The following TMEM132B variants were observed in gnomAD, a reference collection of about 807,000 sequenced individuals.
TMEM132B encodes transmembrane protein 132B.
Under a neutral mutation model 90.8 loss-of-function variants are expected in TMEM132B, and 18 were observed. That is an observed-to-expected ratio of 0.20 (90% CI 0.14 to 0.29). TMEM132B has a LOEUF of 0.29. Ranked by LOEUF, TMEM132B falls within the 10% of genes least tolerant of loss-of-function variation. The probability of loss-of-function intolerance (pLI) is 1.00; values close to 1 mark genes in which losing one functional copy is unlikely to be tolerated. For synonymous variants in TMEM132B, 504 were observed against 523.3 expected, an observed-to-expected ratio of 0.96 and a Z score of 0.50; for missense variants, 1,096 against 1,326.8, an observed-to-expected ratio of 0.83 and a Z score of 2.70.
At chr12:125,527,159 C>T (rs1566063780) in intron 4 of TMEM132B, among the ~76,000 whole-genome samples, 1 of 144,500 alleles carries the variant, frequency 6.9e-6, no homozygotes, top group Non-Finnish European at 1.5e-5. Context: ...CCCATCCACC[C>T]ATCCACCCAT....
At chr12:125,266,937 G>A (rs1874710041) in intron 1 of TMEM132B, among the ~76,000 whole-genome samples, 1 of 152,170 alleles carries the variant, frequency 6.6e-6, no homozygotes, top group African/African-American at 2.4e-5. Context: ...GCAAGTCATT[G>A]TATTGGACCC....
In TMEM132B at chr12:125,507,621, A is replaced by G. The variant is rs111935937; in HGVS notation, c.1107-11818A>G. Among the ~76,000 whole-genome samples, 454 of 152,246 alleles carry G rather than the reference A, an allele frequency of 3.0e-3. 1 individual carries two copies. Among genetic ancestry groups the G allele is most frequent in the African/African-American group, 0.011 (439 of 41,538 alleles). On this transcript the variant is annotated intron_variant, in intron 3 of 8. Coordinates refer to ENST00000682704, the MANE Select transcript of TMEM132B (RefSeq NM_001366854.1). ...AGTGCAAAGGCCCTGAGGCAGCAGC[A>G]TGGCTGGAGCTGGGGGAACAGTAAA...
chr12:125,312,260 G>A (rs1439194185), intron 1 of TMEM132B, among the ~76,000 whole-genome samples: 1 of 152,190 alleles, frequency 6.6e-6, no homozygotes. Context: ...TAGTTGTTTG[G>A]ATGCTCTAAA....
chr12:125,379,268 G>A (rs906501677), intron 2 of TMEM132B, among the ~76,000 whole-genome samples: 2 of 152,158 alleles, frequency 1.3e-5, no homozygotes, highest in African/African-American at 4.8e-5. Context: ...AGGGTATCCT[G>A]GGTTATCCAG....
chr12:125,297,095 T>A (rs1875689611), intron 1 of TMEM132B, among the ~76,000 whole-genome samples: 1 of 152,186 alleles, frequency 6.6e-6, no homozygotes, highest in Admixed American at 6.5e-5. Flanking sequence ...GTGACGGAGC[T>A]GGAGGTTGCT....
At chr12:125,400,290 G>A (rs1354158919) in intron 2 of TMEM132B, among the ~76,000 whole-genome samples, 7 of 152,234 alleles carry the variant, frequency 4.6e-5, no homozygotes, top group Admixed American at 3.9e-4. Context: ...GCAATGAGAC[G>A]GGAGAGTGGC....
At chr12:125,379,201 T>C (rs1878585557) in intron 2 of TMEM132B, among the ~76,000 whole-genome samples, 1 of 152,210 alleles carries the variant, frequency 6.6e-6, no homozygotes, top group Non-Finnish European at 1.5e-5. Flanking sequence ...TTATGTTACA[T>C]GGCAAGGGGG....
intron 1 of TMEM132B, among the ~76,000 whole-genome samples, chr12:125,266,867 G>A (rs981192825): frequency 6.6e-6 from 1 of 152,186 alleles, no homozygotes; most frequent in African/African-American, 2.4e-5. Flanking sequence ...CATTTAATTT[G>A]AAAGCGAATG....
chr12:125,401,686 A>G (rs1232635622), intron 2 of TMEM132B, among the ~76,000 whole-genome samples: 1 of 152,232 alleles, frequency 6.6e-6, no homozygotes, highest in Non-Finnish European at 1.5e-5. Flanking sequence ...ACATAAATAT[A>G]CATTTTTATG....
At chr12:125,294,102 C>T (rs925429437) in intron 1 of TMEM132B, among the ~76,000 whole-genome samples, 1 of 152,224 alleles carries the variant, frequency 6.6e-6, no homozygotes, top group Non-Finnish European at 1.5e-5. Flanking sequence ...TCAGCCTTGT[C>T]ACTGAAGTCT....
intron 3 of TMEM132B, among the ~76,000 whole-genome samples, chr12:125,494,276 G>A (rs1882454272): frequency 9.7e-6 from 1 of 103,528 alleles, no homozygotes; most frequent in Non-Finnish European, 1.9e-5. Context: ...GGAAATGGCT[G>A]CATCCCTCCT....
At chr12:125,237,303 T>G (rs1207931952) in intron 1 of TMEM132B, among the ~76,000 whole-genome samples, 1 of 152,098 alleles carries the variant, frequency 6.6e-6, no homozygotes, top group East Asian at 1.9e-4. Flanking sequence ...TCACCCTGGA[T>G]CCTTTAGCTG....
At chr12:125,317,137 C>T (rs911384257) in intron 1 of TMEM132B, among the ~76,000 whole-genome samples, 2 of 152,118 alleles carry the variant, frequency 1.3e-5, no homozygotes, top group African/African-American at 2.4e-5. Context: ...CAGAGACTCC[C>T]GCCTGTTGAC....
In TMEM132B at chr12:125,246,338, T is replaced by C. The variant is rs1874206321; in HGVS notation, c.67+59472T>C. On this transcript the variant is annotated intron_variant, in intron 1 of 8. Coordinates refer to ENST00000682704, the MANE Select transcript of TMEM132B (RefSeq NM_001366854.1). The surrounding 1 kb of genome is among the most constrained non-coding windows in gnomAD (Gnocchi z 4.2). The stretch of plus-strand genomic sequence containing the variant: ...GGTTTGGAGTTAGGGAGCAAGTTGA[T>C]CCGTGTAAATAATGCAAAGGATTAT... 6.6e-6 allele frequency among the ~76,000 whole-genome samples: 1 copy of C among 152,164 alleles called. No homozygotes were observed. The highest frequency in any genetic ancestry group is 2.4e-5 in the African/African-American group (1 of 41,434).
chr12:125,447,334 C>A (rs1419865983), intron 3 of TMEM132B, among the ~76,000 whole-genome samples: 1 of 151,882 alleles, frequency 6.6e-6, no homozygotes, highest in African/African-American at 2.4e-5. Context: ...TTAAAAAATT[C>A]TCATTAGCTT....
chr12:125,371,392 G>A (rs374340851), intron 2 of TMEM132B, among the ~76,000 whole-genome samples: 10 of 152,246 alleles, frequency 6.6e-5, no homozygotes, highest in African/African-American at 2.4e-4. Flanking sequence ...GAGGAAGGAG[G>A]GCATCCGAGG....
In TMEM132B at chr12:125,398,363, T is replaced by A. The variant is rs1282214081; in HGVS notation, c.960-17168T>A. On this transcript the variant is annotated intron_variant, in intron 2 of 8. Transcript: ENST00000682704. ...GCCTGTAGGGACCAGGCTGGTAGCA[T>A]AAATGATCAAAGAAGACCGATGTGA... Among the ~76,000 whole-genome samples the A allele has an allele frequency of 2.0e-5, 3 of 152,198 alleles. No homozygotes were observed. In the East Asian group the frequency reaches 5.8e-4, roughly 29 times the overall value.
chr12:125,596,468 C>G (rs1376820919), intron 5 of TMEM132B, among the ~76,000 whole-genome samples: 1 of 152,174 alleles, frequency 6.6e-6, no homozygotes, highest in Non-Finnish European at 1.5e-5. Context: ...TATTTGCCAT[C>G]CAGACATTCA....
At chr12:125,617,103 T>G (rs1286377267) in intron 5 of TMEM132B, among the ~76,000 whole-genome samples, 1 of 152,244 alleles carries the variant, frequency 6.6e-6, no homozygotes, top group African/African-American at 2.4e-5. Context: ...AACATTTCTT[T>G]TCATGTTTGT....
Sources: gnomAD v4.1 joint callset for allele counts (sites outside exome capture counted in the v4.1 genomes callset) on GRCh38, gnomAD v4.1.1 for gene constraint, Gnocchi (gnomAD v3.1) non-coding constraint, MANE v1.5 for transcripts, NCBI Gene and HGNC (gene_info 2026-07-23, HGNC 2026-07-21) for gene names.